CLYBL: variants seen among roughly 807,000 people sequenced by gnomAD.
CLYBL encodes citramalyl-CoA lyase, also known as citramalyl-CoA lyase, mitochondrial.
CLYBL carries 31 observed loss-of-function variants against 38.9 expected under a neutral mutation model. The ratio of observed to expected loss-of-function variants is 0.80; its 90% CI spans 0.60 to 1.08. The LOEUF (loss-of-function observed/expected upper bound fraction) is 1.08. Among genes scored for constraint, CLYBL ranks in the 50% least tolerant of loss-of-function variants. The pLI is 0.00. For missense variants in CLYBL, 434 were observed against 411.6 expected, an observed-to-expected ratio of 1.05 and a Z score of -0.47; for synonymous variants, 171 against 158.6, an observed-to-expected ratio of 1.08 and a Z score of -0.59.
intron 1 of CLYBL, among the ~76,000 whole-genome samples, chr13:99,687,136 G>A (rs2047829420): frequency 6.6e-6 from 1 of 152,186 alleles, no homozygotes; most frequent in South Asian, 2.1e-4. Flanking sequence ...TCAGCATGGA[G>A]CACTCCTCCT....
chr13:99,829,193 A>G (rs56197435), intron 2 of CLYBL, among the ~76,000 whole-genome samples: 9,272 of 152,304 alleles, frequency 0.061, 307 homozygotes, highest in East Asian at 0.16. Context: ...CCAAGGCTCC[A>G]GGTCATTTTA....
intron 2 of CLYBL, among the ~76,000 whole-genome samples, chr13:99,817,381 G>A (rs901426157): frequency 2.0e-5 from 3 of 152,130 alleles, no homozygotes; most frequent in South Asian, 2.1e-4. Context: ...AGCACTGGCC[G>A]GGTGCAGTGG....
chr13:99,810,615 AT>A (rs368342277), intron 2 of CLYBL, among the ~76,000 whole-genome samples: 77 of 152,278 alleles, frequency 5.1e-4, no homozygotes, highest in African/African-American at 1.6e-3. Context: ...TGCAGTGAGG[AT>A]TTTAGATGTA....
intron 1 of CLYBL, among the ~76,000 whole-genome samples, chr13:99,626,852 A>G (rs1220366004): frequency 6.6e-6 from 1 of 151,892 alleles, no homozygotes; most frequent in Non-Finnish European, 1.5e-5. Context: ...GGTGGATGTA[A>G]TTTAAGACAT....
chr13:99,821,464 CT>C (rs2050587143), intron 2 of CLYBL, among the ~76,000 whole-genome samples: 2 of 152,232 alleles, frequency 1.3e-5, no homozygotes, highest in African/African-American at 4.8e-5. Context: ...ACTTAATTTT[CT>C]TTTCTTTGTT....
rs142686265 is a variant in CLYBL at position 99,612,135 on chromosome 13, T to G, written c.62+5378T>G. On this transcript the variant is annotated intron_variant, in intron 1 of 8. Transcript: ENST00000339105. ...TTACTGTTTGTGTCATCCATAGTGA[T>G]GTGTCCTTCTTCATCCTTGATATTT... Among the ~76,000 whole-genome samples the G allele has an allele frequency of 5.3e-3, 813 of 152,354 alleles. 10 individuals carry two copies. Among genetic ancestry groups the G allele is most frequent in the African/African-American group, 0.018 (754 of 41,572 alleles).
At chr13:99,852,066 T>C (rs1173217691) in intron 2 of CLYBL, among the ~76,000 whole-genome samples, 1 of 152,158 alleles carries the variant, frequency 6.6e-6, no homozygotes, top group African/African-American at 2.4e-5. Context: ...ACATACTAAG[T>C]GAAAGAAGGC....
intron 1 of CLYBL, among the ~76,000 whole-genome samples, chr13:99,766,638 G>C (rs1361446630): frequency 2.6e-5 from 4 of 151,918 alleles, no homozygotes; most frequent in Non-Finnish European, 4.4e-5. Context: ...GTCTTCTCTG[G>C]CTGGCTTGTT....
chr13:99,895,333 T>C (rs1224186535), downstream of CLYBL: 1 of 152,212 alleles, frequency 6.6e-6, no homozygotes, highest in Non-Finnish European at 1.5e-5. Context: ...TTCTTTCCTC[T>C]AGTACTAGAA....
intron 2 of CLYBL, among the ~76,000 whole-genome samples, chr13:99,836,244 G>A (rs1312831489): frequency 6.6e-6 from 1 of 152,122 alleles, no homozygotes; most frequent in Non-Finnish European, 1.5e-5. Context: ...AGGCGAAGGA[G>A]GACAGAGACG....
intron 2 of CLYBL, among the ~76,000 whole-genome samples, chr13:99,824,098 G>A (rs1346694637): frequency 6.6e-6 from 1 of 152,172 alleles, no homozygotes; most frequent in Non-Finnish European, 1.5e-5. Context: ...CACAGATCAG[G>A]CTTTTCTAGA....
chr13:99,716,083 A>G (rs879536721), intron 1 of CLYBL, among the ~76,000 whole-genome samples: 6 of 151,232 alleles, frequency 4.0e-5, no homozygotes, highest in Non-Finnish European at 5.9e-5. Context: ...GAGATGTTCA[A>G]AAGGCTTTTC....
downstream of CLYBL, chr13:99,894,183 T>C (rs1324996269): frequency 6.6e-6 from 1 of 152,400 alleles, no homozygotes; most frequent in African/African-American, 2.4e-5. Flanking sequence ...ATTCCCCCTC[T>C]TTCCCCACCC....
intron 2 of CLYBL, among the ~76,000 whole-genome samples, chr13:99,835,518 A>G (rs910747385): frequency 2.6e-5 from 4 of 152,170 alleles, no homozygotes; most frequent in African/African-American, 9.7e-5. Flanking sequence ...TTCCATTCGC[A>G]TGCTAGCTGC....
intron 1 of CLYBL, among the ~76,000 whole-genome samples, chr13:99,625,263 C>T (rs531243419): frequency 8.5e-5 from 13 of 152,372 alleles, no homozygotes; most frequent in African/African-American, 3.1e-4. Context: ...TGGCGTGGCT[C>T]TCAGACCTTG....
intron 2 of CLYBL, among the ~76,000 whole-genome samples, chr13:99,819,419 TATA>T (rs1566340040): frequency 1.9e-3 from 15 of 7,772 alleles, no homozygotes; most frequent in Non-Finnish European, 7.2e-4. Flanking sequence ...AAAAAATTTA[TATA>T]TATATATATA....
rs760815855 is a variant in CLYBL at position 99,891,316 on chromosome 13, AG to A, written c.931del. ...AGGAAGTTTGTATTCTCTGTTTTCCAGGGGGCCTTTACTTTCCAAGGGAGTA... is the reference window on the plus strand; with the variant it reads ...AGGAAGTTTGTATTCTCTGTTTTCCAGGGGCCTTTACTTTCCAAGGGAGTA... On this transcript the variant is annotated splice_acceptor_variant, in intron 7 of 8. Coordinates refer to ENST00000339105, the MANE Select transcript of CLYBL (RefSeq NM_206808.5). LOFTEE classifies it high-confidence loss of function. 216 of 1,609,188 alleles carry A rather than the reference AG, an allele frequency of 1.3e-4. No homozygotes were observed. Among genetic ancestry groups the A allele is most frequent in the Non-Finnish European group, 1.7e-4 (203 of 1,175,736 alleles).
chr13:99,831,991 A>G (rs2390355), intron 2 of CLYBL, among the ~76,000 whole-genome samples: 118,649 of 152,204 alleles, frequency 0.78, 47,296 homozygotes, highest in African/African-American at 0.94. Context: ...GTCTCAATAG[A>G]TCTTTTGATA....
intron 1 of CLYBL, among the ~76,000 whole-genome samples, chr13:99,706,580 A>T (rs2048149924): frequency 6.6e-6 from 1 of 152,038 alleles, no homozygotes; most frequent in South Asian, 2.1e-4. Flanking sequence ...TAGTAAGTGC[A>T]CCTTTCTTGG....
Sources: allele counts gnomAD v4.1 joint callset (sites outside exome capture counted in the v4.1 genomes callset), GRCh38; gene constraint gnomAD v4.1.1; transcripts MANE v1.5; gene names NCBI Gene and HGNC (gene_info 2026-07-23, HGNC 2026-07-21).